MYO9A: variants seen among roughly 807,000 people sequenced by gnomAD.
MYO9A encodes myosin IXA, also known as unconventional myosin-IXa.
A neutral mutation model predicts 293.3 loss-of-function variants in MYO9A; 103 were observed. The ratio of observed to expected loss-of-function variants is 0.35; its 90% CI spans 0.30 to 0.41. The LOEUF is 0.41. MYO9A is among the 10% of genes least tolerant of loss of function. The pLI, the probability that MYO9A is intolerant of heterozygous loss-of-function variation, is 1.00. For missense variants in MYO9A, 2,685 were observed against 3,033.0 expected (o/e 0.89, Z 2.69); for synonymous variants, 1,001 against 1,035.7 (o/e 0.97, Z 0.64).
At chr15:71,971,929 A>ATC (rs763237759) in intron 12 of MYO9A, among the ~76,000 whole-genome samples, 1 of 152,040 alleles carries the variant, frequency 6.6e-6, no homozygotes, top group African/African-American at 2.4e-5. Context: ...AGGAAACAGA[A>ATC]TCTCTCTCTC....
chr15:72,073,402 C>T (rs1296386187), intron 1 of MYO9A, among the ~76,000 whole-genome samples: 2 of 152,200 alleles, frequency 1.3e-5, no homozygotes, highest in East Asian at 3.8e-4. Flanking sequence ...CATCTTGCAA[C>T]AGCCATTGTA....
chr15:71,895,182 G>A lies in MYO9A; in HGVS notation c.5043-1404C>T, dbSNP rs139720445. ...TGTATAAGCCTAGCAATCCTAGCTT[G>A]TTCTAAAGGATTCTCTTCTGGCTAT... On this transcript the variant is annotated intron_variant, in intron 25 of 41. Coordinates refer to ENST00000356056, the MANE Select transcript of MYO9A (RefSeq NM_006901.4). Among the ~76,000 whole-genome samples the A allele has an allele frequency of 3.1e-4, 47 of 152,246 alleles. No homozygotes were observed. The East Asian group carries it at 8.9e-3, about 29-fold the overall frequency.
chr15:72,013,353 T>C (rs1359595432), intron 6 of MYO9A, among the ~76,000 whole-genome samples: 1 of 152,198 alleles, frequency 6.6e-6, no homozygotes, highest in Non-Finnish European at 1.5e-5. Flanking sequence ...AAGTCACTTC[T>C]AGAGGGCCCT....
In MYO9A at chr15:72,094,802, G is replaced by A. The variant is rs1319956337; in HGVS notation, c.-72+22878C>T. On this transcript the variant is annotated intron_variant, in intron 1 of 41. Coordinates refer to ENST00000356056, the MANE Select transcript of MYO9A (RefSeq NM_006901.4). ...AGCACCTGTATTACAGGTGTAAGCC[G>A]CCACACCTAGCTTCAAACTTTTTTA... Among the ~76,000 whole-genome samples the A allele has an allele frequency of 4.4e-5, 4 of 91,716 alleles. 1 individual carries two copies. The highest frequency in any genetic ancestry group is 3.6e-4 in the Admixed American group (3 of 8,446). The allele number at this position is 91,716 out of a possible 152,430, so 60.2% of individuals were successfully genotyped here. A position where few individuals can be genotyped will look rare whatever the true frequency, so the allele number is the denominator to read the frequency against.
chr15:71,938,904 T>C lies in MYO9A; in HGVS notation c.2326A>G (p.Thr776Ala). Residue 776 changes from threonine to alanine, a missense_variant, in exon 16 of 42, where the codon ACA becomes GCA. Physicochemically the swap from Thr to Ala is moderately conservative, Grantham distance 58. Coordinates refer to ENST00000356056, the MANE Select transcript of MYO9A (RefSeq NM_006901.4). Reference sequence around the variant, plus strand: ...ATGCCCTGGAGATCAGAAAGAGGTGTTCTGGGATTTTTCCGGGTTATACCT... The same window carrying C: ...ATGCCCTGGAGATCAGAAAGAGGTGCTCTGGGATTTTTCCGGGTTATACCT... ...KYSITRKNPR[T>A]PLSDLQGMNA... 6.2e-7 allele frequency: 1 copy of C among 1,611,120 alleles called. No individual in the cohort carries two copies. The highest frequency in any genetic ancestry group is 8.5e-7 in the Non-Finnish European group (1 of 1,178,758).
At position 71,905,005 on chromosome 15, in the gene MYO9A, G is replaced by A. The variant is rs749936382; in HGVS notation, c.2687C>T (p.Ala896Val). ...KPPSISAQFQASLSKLMETLG... is the reference protein window; with the variant it reads ...KPPSISAQFQVSLSKLMETLG... ...TGTTTCCATTAGCTTGCTTAATGAT[G>A]CCTGCAACAGAAAGCAATATAATTA... The change falls in exon 20 of 42, where the codon GCA becomes GTA. Residue 896 changes from alanine (A) to valine (V), a missense_variant and splice_region_variant. Ala to Val is a moderately conservative substitution (Grantham distance 64, BLOSUM62 0). This residue lies in a region of MYO9A where 1,434 missense variants were observed against 1,497.7 expected (regional missense o/e 0.96). Coordinates refer to ENST00000356056, the MANE Select transcript of MYO9A (RefSeq NM_006901.4). 3.3e-5 allele frequency: 52 copies of A among 1,597,814 alleles called. No individual in the cohort carries two copies. Among genetic ancestry groups the A allele is most frequent in the Middle Eastern group, 1.7e-4 (1 of 5,920 alleles).
intron 1 of MYO9A, among the ~76,000 whole-genome samples, chr15:72,109,233 A>G (rs1223641229): frequency 6.6e-5 from 10 of 151,976 alleles, no homozygotes; most frequent in Admixed American, 4.6e-4. Flanking sequence ...TACTAAAAAT[A>G]TAAAAAATTA....
chr15:72,054,696 A>G (rs2078669644), intron 1 of MYO9A, among the ~76,000 whole-genome samples: 1 of 151,494 alleles, frequency 6.6e-6, no homozygotes, highest in Non-Finnish European at 1.5e-5. Flanking sequence ...AAAAAAAAAA[A>G]AAAAAAAGCA....
rs1378089092 is a variant in MYO9A at position 71,939,287 on chromosome 15, T to C, written c.2303-360A>G. On this transcript the variant is annotated intron_variant, in intron 15 of 41. Coordinates refer to ENST00000356056, the MANE Select transcript of MYO9A (RefSeq NM_006901.4). ...AAACTCATGTAACGGGGGTTTGTTG[T>C]GCAGATTATTTCACCCAGGTACTAA... Among the ~76,000 whole-genome samples the C allele has an allele frequency of 3.3e-5, 5 of 152,192 alleles. No homozygotes were observed. The East Asian group carries it at 9.6e-4, about 29-fold the overall frequency.
chr15:71,935,493 A>C lies in MYO9A; in HGVS notation c.2379-9T>G. ...CAATATCAAATGTATCACTGTAAAA[A>C]ATATAATTTGCTTTAGTTAATGAAG... On this transcript the variant is annotated splice_polypyrimidine_tract_variant and intron_variant, in intron 16 of 41. Transcript: ENST00000356056. 1 of 1,612,070 alleles carries C rather than the reference A, an allele frequency of 6.2e-7. No individual in the cohort carries two copies. Among genetic ancestry groups the C allele is most frequent in the South Asian group, 1.1e-5 (1 of 90,902 alleles).
intron 27 of MYO9A, among the ~76,000 whole-genome samples, chr15:71,886,889 C>A (rs947819441): frequency 6.6e-6 from 1 of 152,024 alleles, no homozygotes; most frequent in Non-Finnish European, 1.5e-5. Context: ...GTATTATCTG[C>A]TCTGGATTTG....
intron 2 of MYO9A, 92 bp downstream of exon 2, chr15:72,045,632 G>C (rs916786122): frequency 7.5e-7 from 1 of 1,338,704 alleles, no homozygotes; most frequent in African/African-American, 1.5e-5. Context: ...ACATCGACCT[G>C]GTATTGCAGT....
At chr15:72,100,850 G>T (rs1217185118) in intron 1 of MYO9A, among the ~76,000 whole-genome samples, 1 of 150,850 alleles carries the variant, frequency 6.6e-6, no homozygotes, top group African/African-American at 2.4e-5. Flanking sequence ...CCGGCCAGCC[G>T]CCCCGTCCGG....
intron 29 of MYO9A, 47 bp downstream of exon 29, chr15:71,880,288 C>T: frequency 2.0e-6 from 3 of 1,492,286 alleles, no homozygotes; most frequent in Non-Finnish European, 2.8e-6. Flanking sequence ...CACAAGTATT[C>T]CATACACAGA....
intron 4 of MYO9A, among the ~76,000 whole-genome samples, chr15:72,024,885 G>A (rs2077615181): frequency 6.6e-6 from 1 of 151,902 alleles, no homozygotes; most frequent in Non-Finnish European, 1.5e-5. Context: ...TTTATTTAAT[G>A]CAAAAGAAGG....
chr15:72,038,257 C>T (rs1225927713), intron 2 of MYO9A, among the ~76,000 whole-genome samples: 1 of 152,074 alleles, frequency 6.6e-6, no homozygotes. Context: ...AAAATATATC[C>T]ACCACGAAAG....
chr15:71,833,195 G>T (rs1171063787), intron 39 of MYO9A, among the ~76,000 whole-genome samples: 1 of 151,398 alleles, frequency 6.6e-6, no homozygotes, highest in Non-Finnish European at 1.5e-5. Context: ...ATTAAAATTT[G>T]AAGATTGTTG....
chr15:72,043,810 A>G (rs2078298533), intron 2 of MYO9A, among the ~76,000 whole-genome samples: 1 of 152,142 alleles, frequency 6.6e-6, no homozygotes, highest in Non-Finnish European at 1.5e-5. Context: ...TTATCATGTT[A>G]TACACTTTAA....
chr15:72,027,985 G>C (rs1213152765), intron 3 of MYO9A, among the ~76,000 whole-genome samples, 192 bp from the exon 4 acceptor site: 1 of 151,700 alleles, frequency 6.6e-6, no homozygotes, highest in Non-Finnish European at 1.5e-5. Flanking sequence ...ATCACCTGAG[G>C]TCAGGAGTTC....
Sources: gnomAD v4.1 joint callset for allele counts (sites outside exome capture counted in the v4.1 genomes callset) on GRCh38, gnomAD v4.1.1 for gene constraint, gnomAD v4.1.1 regional missense constraint, MANE v1.5 for transcripts, NCBI Gene and HGNC (gene_info 2026-07-23, HGNC 2026-07-21) for gene names.